The following HEMK2 variants were observed in gnomAD, a reference collection of about 807,000 sequenced individuals.
HEMK2 encodes the protein methyltransferase HEMK2.
At chr21:28,800,596 TA>T in the HEMK2 span, among the ~76,000 whole-genome samples, 5 of 152,310 alleles carry the variant, frequency 3.3e-5, no homozygotes, top group East Asian at 9.6e-4. Context: ...TGTAAATATA[TA>T]TTGTGCATGT....
At chr21:28,753,342 G>A in the HEMK2 span, among the ~76,000 whole-genome samples, 3 of 137,872 alleles carry the variant, frequency 2.2e-5, no homozygotes, top group Non-Finnish European at 4.6e-5. Context: ...GGGCAACACA[G>A]TGAGACTCTG....
the HEMK2 span, among the ~76,000 whole-genome samples, chr21:28,616,526 A>AATTCTATTTT: frequency 6.6e-6 from 1 of 152,190 alleles, no homozygotes; most frequent in Non-Finnish European, 1.5e-5. Flanking sequence ...TAGTTTTTTT[A>AATTCTATTTT]AATTCTATTA....
chr21:28,776,832 C>T, the HEMK2 span, among the ~76,000 whole-genome samples: 1 of 152,128 alleles, frequency 6.6e-6, no homozygotes, highest in Non-Finnish European at 1.5e-5. Flanking sequence ...CAATCTAGTC[C>T]TTCCACGTTC....
At chr21:28,829,953 G>A in the HEMK2 span, among the ~76,000 whole-genome samples, 4 of 152,068 alleles carry the variant, frequency 2.6e-5, no homozygotes, top group Non-Finnish European at 2.9e-5. Context: ...CTCCCAATAC[G>A]GAATCCTAAG....
At chr21:28,810,716 A>G in the HEMK2 span, among the ~76,000 whole-genome samples, 1 of 152,184 alleles carries the variant, frequency 6.6e-6, no homozygotes, top group Non-Finnish European at 1.5e-5. Context: ...CTCATAACCC[A>G]TAGCCAAAAC....
chr21:28,740,277 C>T, the HEMK2 span, among the ~76,000 whole-genome samples: 1 of 152,202 alleles, frequency 6.6e-6, no homozygotes, highest in Admixed American at 6.5e-5. Context: ...ATTTGTGTAG[C>T]CCAGACCACG....
chr21:28,695,752 A>C, the HEMK2 span, among the ~76,000 whole-genome samples: 1 of 143,044 alleles, frequency 7.0e-6, no homozygotes. Context: ...TTTCAAAACC[A>C]ATCATGCCTT....
the HEMK2 span, chr21:28,671,024 T>C: frequency 6.6e-6 from 1 of 152,168 alleles, no homozygotes; most frequent in Admixed American, 6.6e-5. Context: ...ATGCAACAGG[T>C]AATATATTGT....
the HEMK2 span, chr21:28,882,840 A>C: frequency 2.2e-6 from 1 of 456,032 alleles, no homozygotes; most frequent in Non-Finnish European, 3.9e-6. Context: ...AACATGAATA[A>C]TTTTTAGGGA....
chr21:28,867,899 T>C, the HEMK2 span, among the ~76,000 whole-genome samples: 4 of 152,230 alleles, frequency 2.6e-5, no homozygotes, highest in Admixed American at 6.5e-5. Context: ...TATTCTCCTA[T>C]ATTTTTTCCA....
chr21:28,666,179 T>C, the HEMK2 span, among the ~76,000 whole-genome samples: 1 of 152,194 alleles, frequency 6.6e-6, no homozygotes, highest in African/African-American at 2.4e-5. Flanking sequence ...TTTGTTTCCA[T>C]TTGTCTCAGC....
At chr21:28,671,124 C>G in the HEMK2 span, 7 of 152,348 alleles carry the variant, frequency 4.6e-5, no homozygotes, top group Middle Eastern at 3.4e-3. Flanking sequence ...GGGCAAGAGC[C>G]TTCACGGGAG....
the HEMK2 span, among the ~76,000 whole-genome samples, chr21:28,663,223 T>G: frequency 6.6e-6 from 1 of 152,178 alleles, no homozygotes; most frequent in Non-Finnish European, 1.5e-5. Flanking sequence ...CAATGATAAG[T>G]GTAGTGAAGT....
chr21:28,849,139 C>T, the HEMK2 span, among the ~76,000 whole-genome samples: 6 of 152,126 alleles, frequency 3.9e-5, no homozygotes, highest in Admixed American at 1.3e-4. Flanking sequence ...TCAGCCCCTC[C>T]GGTACAGAAG....
the HEMK2 span, among the ~76,000 whole-genome samples, chr21:28,824,354 T>C: frequency 2.0e-5 from 3 of 152,340 alleles, no homozygotes; most frequent in Non-Finnish European, 2.9e-5. Context: ...AGATACTACC[T>C]TTGATTTCCT....
At chr21:28,713,210 A>G in the HEMK2 span, among the ~76,000 whole-genome samples, 1 of 152,042 alleles carries the variant, frequency 6.6e-6, no homozygotes, top group Non-Finnish European at 1.5e-5. Context: ...TACCTCCTAA[A>G]TATCTCCCAG....
the HEMK2 span, chr21:28,882,261 A>T: frequency 1.9e-6 from 3 of 1,598,354 alleles, no homozygotes; most frequent in Non-Finnish European, 2.6e-6. Flanking sequence ...CTATAAACAG[A>T]AATGGAAGGA....
the HEMK2 span, among the ~76,000 whole-genome samples, chr21:28,698,085 C>T: frequency 6.6e-6 from 1 of 152,174 alleles, no homozygotes; most frequent in Admixed American, 6.5e-5. Context: ...TTCAACCCTC[C>T]TGATTAAACC....
the HEMK2 span, among the ~76,000 whole-genome samples, chr21:28,853,124 G>T: frequency 3.3e-3 from 504 of 152,290 alleles, 1 homozygote; most frequent in Non-Finnish European, 5.9e-3. Context: ...TATTGGTCAA[G>T]GATATATCTT....
Sources: allele counts gnomAD v4.1 joint callset (sites outside exome capture counted in the v4.1 genomes callset), GRCh38; gene constraint gnomAD v4.1.1; transcripts MANE v1.5; gene names NCBI Gene and HGNC (gene_info 2026-07-23, HGNC 2026-07-21).